The following CEP72 variants were observed in gnomAD, a reference collection of about 807,000 sequenced individuals.
CEP72 encodes centrosomal protein of 72 kDa.
CEP72 carries 78 observed loss-of-function variants against 65.7 expected under a neutral mutation model. That is an observed-to-expected ratio of 1.19 (90% CI 0.99 to 1.43). The LOEUF is 1.43. Ranked by LOEUF, CEP72 falls within the 40% of genes most tolerant of loss-of-function variation. The probability of loss-of-function intolerance (pLI) is 0.00; values close to 1 mark genes in which losing one functional copy is unlikely to be tolerated. For synonymous variants in CEP72, 358 were observed against 351.7 expected (o/e 1.02, Z -0.20); for missense variants, 914 against 832.9 (o/e 1.10, Z -1.20).
At chr5:625,655 C>T (rs1175372022) in intron 4 of CEP72, among the ~76,000 whole-genome samples, 1 of 152,224 alleles carries the variant, frequency 6.6e-6, no homozygotes, top group Non-Finnish European at 1.5e-5. Context: ...CCCCATCACC[C>T]CATTTCAAAC....
intron 11 of CEP72, among the ~76,000 whole-genome samples, chr5:650,327 T>G (rs1273920835): frequency 5.2e-3 from 568 of 108,682 alleles, no homozygotes; most frequent in African/African-American, 0.024. Context: ...AGGCGTGGAC[T>G]GTGAGGTGTG....
intron 3 of CEP72, among the ~76,000 whole-genome samples, chr5:621,163 A>AGGGGGC (rs1178259532): frequency 3.3e-5 from 5 of 152,172 alleles, no homozygotes; most frequent in Non-Finnish European, 5.9e-5. Context: ...GGGGCCTATA[A>AGGGGGC]ACGTTCCCTG....
chr5:619,828 G>A (rs553646474), intron 2 of CEP72, among the ~76,000 whole-genome samples: 10 of 152,280 alleles, frequency 6.6e-5, no homozygotes, highest in Admixed American at 3.3e-4. Context: ...CTGAGGCCTC[G>A]GTAGATATTA....
At chr5:619,205 C>CAG in intron 2 of CEP72, 88 bp downstream of exon 2, 1 of 1,297,548 alleles carries the variant, frequency 7.7e-7, no homozygotes, top group South Asian at 1.2e-5. Context: ...TGTTTTGTAA[C>CAG]CCTCTGCTTA....
In CEP72 at chr5:637,573, A is replaced by G. The variant is rs1296780032; in HGVS notation, c.961A>G (p.Met321Val). 9.3e-6 allele frequency: 15 copies of G among 1,614,072 alleles called. No individual in the cohort carries two copies. Among genetic ancestry groups the G allele is most frequent in the African/African-American group, 1.3e-5 (1 of 75,040 alleles). The change falls in exon 7 of 12, where the codon ATG becomes GTG. Residue 321 changes from methionine (M) to valine (V), a missense_variant. By Grantham distance (21) the Met-to-Val change is conservative (BLOSUM62 1). Transcript: ENST00000264935. ...TCAGAAGTTGGATTTGTCAGGAGAA[A>G]TGGTGCCTGGTCCCCTGCCAGCCCC... ...SSQKLDLSGE[M>V]VPGPLPAPGK...
Position 652,999 on chromosome 5 carries a change from G to A in CEP72, c.1790G>A (p.Ser597Asn). 6.2e-7 allele frequency: 1 copy of A among 1,611,286 alleles called. No homozygotes were observed. Among genetic ancestry groups the A allele is most frequent in the African/African-American group, 1.3e-5 (1 of 75,014 alleles). ...MLQESHSSLV[S>N]TNEHLLQELS... ...CTGTTGTTCTGCAGCTCCCTGGTCA[G>A]CACCAATGAACACCTGCTGCAGGAG... The change falls in exon 12 of 12, where the codon AGC becomes AAC. Residue 597 changes from serine to asparagine, a missense_variant. Physicochemically the swap from Ser to Asn is conservative, Grantham distance 46. Coordinates refer to ENST00000264935, the MANE Select transcript of CEP72 (RefSeq NM_018140.4).
downstream of CEP72, among the ~76,000 whole-genome samples, chr5:656,248 G>A (rs141560096): frequency 1.6e-3 from 242 of 152,250 alleles, 1 homozygote; most frequent in African/African-American, 5.6e-3. Context: ...TCTGGGGCGC[G>A]TACCTCCATC....
At chr5:666,854 C>T (rs1739937273) in intron 4 of CEP72, 1 of 152,200 alleles carries the variant, frequency 6.6e-6, no homozygotes, top group Non-Finnish European at 1.5e-5. Context: ...CATTTTTCTC[C>T]TCTGACCAGA....
intron 11 of CEP72, among the ~76,000 whole-genome samples, chr5:652,354 G>A (rs1394816659): frequency 1.3e-5 from 2 of 152,196 alleles, no homozygotes; most frequent in Non-Finnish European, 2.9e-5. Flanking sequence ...TGTCAGTGGG[G>A]TGCCCATCTC....
intron 9 of CEP72, chr5:641,573 GC>G (rs912598436): frequency 2.0e-6 from 2 of 985,096 alleles, no homozygotes; most frequent in Non-Finnish European, 1.2e-6. Context: ...AACGCACGTG[GC>G]CCCCCCACCC....
intron 4 of CEP72, among the ~76,000 whole-genome samples, chr5:628,092 T>G (rs1444194558): frequency 6.6e-6 from 1 of 152,200 alleles, no homozygotes; most frequent in Admixed American, 6.5e-5. Flanking sequence ...AGAATATGCT[T>G]CATAGCACAG....
Position 624,637 on chromosome 5 carries a change from G to A in CEP72, c.512+58G>A. On this transcript the variant is annotated intron_variant, in intron 4 of 11. Coordinates refer to ENST00000264935, the MANE Select transcript of CEP72 (RefSeq NM_018140.4). This position sits in a 1 kb window ranked among gnomAD's most constrained non-coding sequence, Gnocchi z 4.7. ...GTTTCTGACTGGCCTGCTGTCAGGA[G>A]GATTAACCGAACGTCATTCACTGTG... 1 of 1,215,010 alleles carries A rather than the reference G, an allele frequency of 8.2e-7. No homozygotes were observed. The highest frequency in any genetic ancestry group is 1.2e-6 in the Non-Finnish European group (1 of 817,550). 75.3% of individuals were successfully genotyped at this position (1,215,010 alleles called of 1,614,324 possible).
chr5:639,906 A>G lies in CEP72; in HGVS notation c.1343-502A>G, dbSNP rs150326154. 1.2e-4 allele frequency among the ~76,000 whole-genome samples: 19 copies of G among 152,278 alleles called. No homozygotes were observed. The East Asian group carries it at 2.9e-3, about 23-fold the overall frequency. ...GCGCCTTGCAGTGTTATAGCCCCTC[A>G]GCTCCTAGAATGAGGACGCCCTGCA... On this transcript the variant is annotated intron_variant, in intron 8 of 11. Coordinates refer to ENST00000264935, the MANE Select transcript of CEP72 (RefSeq NM_018140.4).
chr5:622,480 G>T (rs914850934), intron 3 of CEP72, among the ~76,000 whole-genome samples: 1 of 152,246 alleles, frequency 6.6e-6, no homozygotes, highest in Non-Finnish European at 1.5e-5. Context: ...CAGGGCGTCT[G>T]TGTGGCCAAA....
intron 9 of CEP72, chr5:640,847 G>A: frequency 1.0e-6 from 1 of 985,490 alleles, no homozygotes; most frequent in Non-Finnish European, 1.2e-6. Flanking sequence ...CCGGGCCCAA[G>A]GGACCCTCCA....
rs2126807207 is a variant in CEP72 at position 645,765 on chromosome 5, C to T, written c.1666+1340C>T. ...ATAATAGTCTAACTTGTCTTTGTTA[C>T]TCGGTCTTAAATGTATGCATAGCTC... On this transcript the variant is annotated intron_variant, in intron 10 of 11. Transcript: ENST00000264935. The surrounding 1 kb of genome is among the most constrained non-coding windows in gnomAD (Gnocchi z 4.0). 6.6e-6 allele frequency among the ~76,000 whole-genome samples: 1 copy of T among 152,366 alleles called. No homozygotes were observed. The highest frequency in any genetic ancestry group is 1.9e-4 in the East Asian group (1 of 5,194).
At chr5:642,991 T>C in intron 9 of CEP72, 1 of 985,480 alleles carries the variant, frequency 1.0e-6, no homozygotes, top group Non-Finnish European at 1.2e-6. Context: ...CTGAGGCAGA[T>C]GGGCTGCGCC....
chr5:663,844 T>A (rs1297696891), intron 2 of CEP72: 1 of 152,338 alleles, frequency 6.6e-6, no homozygotes, highest in Non-Finnish European at 1.5e-5. Flanking sequence ...TGGCTGTGGC[T>A]GTGTGCGTGC....
chr5:640,880 G>A (rs1737970153), intron 9 of CEP72: 8 of 985,344 alleles, frequency 8.1e-6, no homozygotes, highest in African/African-American at 1.7e-5. Flanking sequence ...GCCGGGTGCT[G>A]CAGGAGCCAG....
Sources: gnomAD v4.1 joint callset for allele counts (sites outside exome capture counted in the v4.1 genomes callset) on GRCh38, gnomAD v4.1.1 for gene constraint, Gnocchi (gnomAD v3.1) non-coding constraint, MANE v1.5 for transcripts, NCBI Gene and HGNC (gene_info 2026-07-23, HGNC 2026-07-21) for gene names.